The following RDX variants were observed in gnomAD, a reference collection of about 807,000 sequenced individuals.
The protein encoded by RDX is deafness, autosomal recessive 24.
In RDX, 32 loss-of-function variants were observed where a neutral mutation model predicts 83.7. The ratio of observed to expected loss-of-function variants is 0.38; its 90% CI spans 0.29 to 0.51. RDX has a LOEUF of 0.51. Ranked by LOEUF, RDX falls within the 20% of genes least tolerant of loss-of-function variation. The pLI is 0.87. For missense variants in RDX, 600 were observed against 689.9 expected (o/e 0.87, Z 1.46); for synonymous variants, 229 against 222.7 (o/e 1.03, Z -0.25).
chr11:110,272,756 G>C, intron 2 of RDX, 137 bp from the exon 3 acceptor site: 4 of 681,158 alleles, frequency 5.9e-6, no homozygotes, highest in South Asian at 5.2e-5. Flanking sequence ...AAAACAAAGA[G>C]CTTATAAAGT....
At chr11:110,241,068 A>G (rs1430980861) in intron 10 of RDX, among the ~76,000 whole-genome samples, 1 of 149,550 alleles carries the variant, frequency 6.7e-6, no homozygotes, top group Non-Finnish European at 1.5e-5. Flanking sequence ...AAAAAAAAAA[A>G]AAAAAAAGGG....
chr11:110,196,515 G>A (rs945027044), intron 15 of RDX, among the ~76,000 whole-genome samples: 1 of 152,202 alleles, frequency 6.6e-6, no homozygotes, highest in Non-Finnish European at 1.5e-5. Context: ...TAAGATGACG[G>A]TATAAACACT....
intron 10 of RDX, among the ~76,000 whole-genome samples, chr11:110,243,947 C>T (rs532753753): frequency 1.3e-4 from 20 of 152,164 alleles, no homozygotes; most frequent in African/African-American, 4.8e-4. Flanking sequence ...ACCAATGTGG[C>T]AGTTCCTCAA....
intron 10 of RDX, among the ~76,000 whole-genome samples, chr11:110,240,469 C>T (rs539802508): frequency 7.2e-5 from 11 of 152,202 alleles, no homozygotes; most frequent in Non-Finnish European, 1.3e-4. Flanking sequence ...ATAGGCCGGG[C>T]GCGGTGGCTC....
chr11:110,272,378 C>T (rs908722675), intron 3 of RDX, among the ~76,000 whole-genome samples, 158 bp downstream of exon 3: 1 of 152,134 alleles, frequency 6.6e-6, no homozygotes, highest in Non-Finnish European at 1.5e-5. Context: ...AAAGAATATC[C>T]CTACTGCTGT....
chr11:110,200,955 C>T (rs1863377559), intron 14 of RDX, among the ~76,000 whole-genome samples: 1 of 152,100 alleles, frequency 6.6e-6, no homozygotes, highest in Admixed American at 6.6e-5. Flanking sequence ...AGGCAGAGAT[C>T]ACCTGAGGTC....
intron 2 of RDX, 76 bp downstream of exon 2, chr11:110,279,605 T>C: frequency 1.0e-6 from 1 of 985,192 alleles, no homozygotes; most frequent in Non-Finnish European, 1.6e-6. Context: ...CTACCAACAT[T>C]CTTTGTCTTG....
chr11:110,295,607 C>A (rs1222663752), intron 1 of RDX, among the ~76,000 whole-genome samples: 1 of 137,484 alleles, frequency 7.3e-6, no homozygotes, highest in African/African-American at 2.7e-5. Flanking sequence ...AGAAACATGA[C>A]ATCTGTCTAG....
At chr11:110,251,308 C>T (rs1310801073) in intron 9 of RDX, among the ~76,000 whole-genome samples, 8 of 152,128 alleles carry the variant, frequency 5.3e-5, no homozygotes, top group Non-Finnish European at 1.2e-4. Flanking sequence ...TCTAATTACA[C>T]TTTTCTTCCA....
At chr11:110,285,272 C>T (rs548537824) in intron 1 of RDX, among the ~76,000 whole-genome samples, 1 of 152,038 alleles carries the variant, frequency 6.6e-6, no homozygotes, top group African/African-American at 2.4e-5. Context: ...GTAATCTCAG[C>T]TACTGGGGAG....
chr11:110,264,060 C>A lies in RDX; in HGVS notation c.367G>T (p.Val123Phe). ...DEIYCPPETAVLLASYAVQAK... is the reference protein window; with the variant it reads ...DEIYCPPETAFLLASYAVQAK... ...TGGACAGCATAGGAAGCCAAAAGAA[C>A]TGCAGTTTCTGGCGGGCAATATATC... Residue 123 changes from valine (V) to phenylalanine (F), a missense_variant, in exon 5 of 14, where the codon GTT becomes TTT. Val to Phe is a conservative substitution (Grantham distance 50). Coordinates refer to ENST00000645495, the MANE Select transcript of RDX (RefSeq NM_002906.4). 6.2e-7 allele frequency: 1 copy of A among 1,613,702 alleles called. No individual in the cohort carries two copies. The highest frequency in any genetic ancestry group is 8.5e-7 in the Non-Finnish European group (1 of 1,179,664).
chr11:110,217,472 C>G (rs1488396552), intron 14 of RDX, among the ~76,000 whole-genome samples: 2 of 152,212 alleles, frequency 1.3e-5, no homozygotes, highest in African/African-American at 4.8e-5. Flanking sequence ...ACTCCTCCCA[C>G]CAGAAGTCCT....
intron 3 of RDX, among the ~76,000 whole-genome samples, chr11:110,265,357 C>G (rs186777854): frequency 5.3e-5 from 8 of 152,050 alleles, no homozygotes; most frequent in African/African-American, 1.9e-4. Flanking sequence ...CTTCCAAAGT[C>G]TTGGGATTAT....
downstream of RDX, among the ~76,000 whole-genome samples, chr11:110,227,879 T>C (rs570814886): frequency 3.3e-4 from 50 of 152,222 alleles, 1 homozygote; most frequent in Admixed American, 2.9e-3. Context: ...GTAAAAATTG[T>C]GTAGGAAATA....
downstream of RDX, among the ~76,000 whole-genome samples, chr11:110,228,591 T>A (rs186601857): frequency 8.4e-4 from 128 of 152,184 alleles, 2 homozygotes; most frequent in Non-Finnish European, 1.5e-5. Flanking sequence ...ACTAATTGTT[T>A]TTATTGTGCA....
intron 1 of RDX, among the ~76,000 whole-genome samples, chr11:110,283,036 A>T (rs945003254): frequency 2.0e-5 from 3 of 152,246 alleles, no homozygotes; most frequent in African/African-American, 4.8e-5. Flanking sequence ...TTTTTTAAAA[A>T]AACAAAGGAA....
chr11:110,241,075 A>AAAAGGGGG (rs1565310090), intron 10 of RDX, among the ~76,000 whole-genome samples: 1 of 134,028 alleles, frequency 7.5e-6, no homozygotes, highest in Non-Finnish European at 1.6e-5. Flanking sequence ...AAAAAAAAAA[A>AAAAGGGGG]GGGGCGGGGG....
intron 9 of RDX, among the ~76,000 whole-genome samples, chr11:110,251,503 T>C (rs944442995): frequency 2.0e-5 from 3 of 152,182 alleles, no homozygotes; most frequent in African/African-American, 7.2e-5. Context: ...AGGCTCAAAA[T>C]TATCTGTTCG....
chr11:110,284,506 A>G (rs1190013832), intron 1 of RDX, among the ~76,000 whole-genome samples: 1 of 147,146 alleles, frequency 6.8e-6, no homozygotes, highest in African/African-American at 2.5e-5. Flanking sequence ...TCAACACAGA[A>G]AAACACAGGT....
Sources: allele counts gnomAD v4.1 joint callset (sites outside exome capture counted in the v4.1 genomes callset), GRCh38; gene constraint gnomAD v4.1.1; transcripts MANE v1.5; gene names NCBI Gene and HGNC (gene_info 2026-07-23, HGNC 2026-07-21).